Variants in PRDM11 observed in about 807,000 individuals in gnomAD.
The protein encoded by PRDM11 is PR domain-containing protein 11.
PRDM11 carries 20 observed loss-of-function variants against 97.8 expected under a neutral mutation model. The ratio of observed to expected loss-of-function variants is 0.20; its 90% CI spans 0.14 to 0.30. PRDM11 has a LOEUF of 0.30. Among genes scored for constraint, PRDM11 ranks in the 10% least tolerant of loss-of-function variants. The probability of loss-of-function intolerance (pLI) is 1.00; values close to 1 mark genes in which losing one functional copy is unlikely to be tolerated. For missense variants in PRDM11, 1,139 were observed against 1,555.2 expected (o/e 0.73, Z 4.50); for synonymous variants, 599 against 637.7 (o/e 0.94, Z 0.91).
In PRDM11 at chr11:45,220,357, C is replaced by T. The variant is rs544961204; in HGVS notation, c.742+600C>T. Among the ~76,000 whole-genome samples the T allele has an allele frequency of 2.0e-5, 3 of 152,344 alleles. No individual in the cohort carries two copies. In the South Asian group the frequency reaches 6.2e-4, roughly 32 times the overall value. On this transcript the variant is annotated intron_variant, in intron 6 of 7. Coordinates refer to ENST00000683152, the MANE Select transcript of PRDM11 (RefSeq NM_001384648.1). Reference sequence around the variant, plus strand: ...CCCATGTAATTATCATAGCAGCCATCCCTACCCTGTCAGTGCACCCTGAGA... The same window carrying T: ...CCCATGTAATTATCATAGCAGCCATTCCTACCCTGTCAGTGCACCCTGAGA...
chr11:45,100,914 G>T (rs1265640431), intron 1 of PRDM11, among the ~76,000 whole-genome samples: 1 of 152,222 alleles, frequency 6.6e-6, no homozygotes, highest in South Asian at 2.1e-4. Flanking sequence ...TTTGCCCAGG[G>T]TCATGCAGAC....
intron 1 of PRDM11, among the ~76,000 whole-genome samples, chr11:45,101,567 A>AAAAGAAGAAGAAGAAGAAGAAGAAG (rs767802218): frequency 1.0e-5 from 1 of 96,834 alleles, no homozygotes; most frequent in African/African-American, 4.9e-5. Context: ...AAAAAAAAAA[A>AAAAGAAGAAGAAGAAGAAGAAGAAG]AAGAAGAAGA....
At position 45,226,138 on chromosome 11, in the gene PRDM11, C is replaced by T. The variant is rs1249424766; in HGVS notation, c.1513C>T (p.Arg505Trp). The T allele has an allele frequency of 1.3e-6, 2 of 1,533,226 alleles. No individual in the cohort carries two copies. Among genetic ancestry groups the T allele is most frequent in the Non-Finnish European group, 1.7e-6 (2 of 1,146,082 alleles). The allele number at this position is 1,533,226 out of a possible 1,614,324, so 95.0% of individuals were successfully genotyped here. The change falls in exon 8 of 8, where the codon CGG (arginine) becomes TGG (tryptophan). Residue 505 changes from arginine to tryptophan, a missense_variant. Coordinates refer to ENST00000683152, the MANE Select transcript of PRDM11 (RefSeq NM_001384648.1). ...KMSSATGRRI[R>W]RFKQEWLKKF... is the part of the protein sequence containing the mutation. Reference sequence around the variant, plus strand: ...GTCATCGGCCACCGGGCGCCGAATCCGGCGCTTTAAGCAGGAATGGCTGAA... The same window carrying T: ...GTCATCGGCCACCGGGCGCCGAATCTGGCGCTTTAAGCAGGAATGGCTGAA...
intron 1 of PRDM11, 43 bp from the exon 2 acceptor site, chr11:45,181,718 C>T: frequency 6.4e-7 from 1 of 1,558,984 alleles, no homozygotes; most frequent in South Asian, 1.1e-5. Context: ...TCCCCTGTTT[C>T]TTTGATCCTC....
chr11:45,155,435 A>G (rs1851769687), intron 1 of PRDM11, among the ~76,000 whole-genome samples: 1 of 152,170 alleles, frequency 6.6e-6, no homozygotes, highest in South Asian at 2.1e-4. Context: ...CCCAAGGTAC[A>G]GAGAGGGCGG....
intron 6 of PRDM11, among the ~76,000 whole-genome samples, chr11:45,221,942 C>G (rs914991282): frequency 2.0e-5 from 3 of 152,090 alleles, no homozygotes; most frequent in African/African-American, 7.2e-5. Flanking sequence ...TCCCCTATGC[C>G]CAATCACTCT....
intron 4 of PRDM11, among the ~76,000 whole-genome samples, chr11:45,201,905 G>A (rs367830657): frequency 5.3e-5 from 8 of 152,066 alleles, no homozygotes; most frequent in East Asian, 1.9e-4. Context: ...CCTGGGAGGC[G>A]GAGCTTGCAG....
chr11:45,167,709 A>G (rs1053928438), intron 1 of PRDM11, among the ~76,000 whole-genome samples: 4 of 151,172 alleles, frequency 2.6e-5, no homozygotes, highest in African/African-American at 9.7e-5. Flanking sequence ...CTCAGCAAGG[A>G]TGTTTAGGGA....
intron 1 of PRDM11, among the ~76,000 whole-genome samples, chr11:45,151,863 G>T (rs900535120): frequency 6.6e-6 from 1 of 152,116 alleles, no homozygotes. Context: ...TAGTTCATTC[G>T]GGTAGAGAGT....
At chr11:45,159,590 G>T (rs1442664938) in intron 1 of PRDM11, among the ~76,000 whole-genome samples, 2 of 152,146 alleles carry the variant, frequency 1.3e-5, no homozygotes, top group Non-Finnish European at 2.9e-5. Context: ...GACTCTCCTC[G>T]TGACCACATA....
intron 1 of PRDM11, among the ~76,000 whole-genome samples, chr11:45,177,771 A>T (rs1852364077): frequency 6.6e-6 from 1 of 152,156 alleles, no homozygotes; most frequent in African/African-American, 2.4e-5. Flanking sequence ...GTTTCCCTTT[A>T]TGCTTTGGCT....
intron 1 of PRDM11, among the ~76,000 whole-genome samples, chr11:45,176,763 A>G (rs1590407333): frequency 6.6e-6 from 1 of 152,276 alleles, no homozygotes; most frequent in African/African-American, 2.4e-5. Context: ...TATGTTCTCT[A>G]TAGGCATGCT....
intron 1 of PRDM11, among the ~76,000 whole-genome samples, chr11:45,150,244 C>T (rs1178190285): frequency 6.6e-6 from 1 of 152,116 alleles, no homozygotes; most frequent in East Asian, 1.9e-4. Flanking sequence ...TTCAGGGAAG[C>T]CCTCCCTGAT....
intron 6 of PRDM11, among the ~76,000 whole-genome samples, chr11:45,223,554 G>A (rs529554066): frequency 1.6e-4 from 24 of 152,238 alleles, no homozygotes; most frequent in East Asian, 7.7e-4. Context: ...AGCCCTCAGC[G>A]CCATAGGTCT....
chr11:45,182,029 T>A, intron 2 of PRDM11, 144 bp downstream of exon 2: 2 of 831,460 alleles, frequency 2.4e-6, no homozygotes, highest in Non-Finnish European at 3.7e-6. Context: ...GCGCAGGCTC[T>A]AGAAAAATCC....
At chr11:45,207,337 A>C (rs1220212734) in intron 5 of PRDM11, among the ~76,000 whole-genome samples, 2 of 152,192 alleles carry the variant, frequency 1.3e-5, no homozygotes, top group Non-Finnish European at 2.9e-5. Flanking sequence ...CAGGAGGCGA[A>C]TGGGCACTGT....
At chr11:45,220,500 C>T (rs1854090659) in intron 6 of PRDM11, among the ~76,000 whole-genome samples, 1 of 152,214 alleles carries the variant, frequency 6.6e-6, no homozygotes, top group Non-Finnish European at 1.5e-5. Context: ...ACCCATCTTA[C>T]AGATGTGCAA....
chr11:45,182,871 C>A lies in PRDM11; in HGVS notation c.234C>A (p.Ser78=), dbSNP rs777572920. 1.9e-6 allele frequency: 3 copies of A among 1,589,938 alleles called. No individual in the cohort carries two copies. In the South Asian group the frequency reaches 3.4e-5, roughly 18 times the overall value. ...FQQVDFWFCE[S]CQEYFVDECP... is the part of the protein sequence containing the mutation. ...TTTCCATCCCTCCAGTCTGTGAGTCCTGCCAGGAGTACTTCGTGGATGAAT... is the reference window on the plus strand; with the variant it reads ...TTTCCATCCCTCCAGTCTGTGAGTCATGCCAGGAGTACTTCGTGGATGAAT... Residue 78 remains serine, a synonymous_variant, in exon 4 of 8, where the codon TCC becomes TCA. Transcript: ENST00000683152.
intron 1 of PRDM11, among the ~76,000 whole-genome samples, chr11:45,151,995 C>T (rs892873042): frequency 1.3e-5 from 2 of 152,190 alleles, no homozygotes; most frequent in Non-Finnish European, 2.9e-5. Context: ...ACTCTTACCC[C>T]AGTTATCTCC....
Sources: allele counts gnomAD v4.1 joint callset (sites outside exome capture counted in the v4.1 genomes callset), GRCh38; gene constraint gnomAD v4.1.1; transcripts MANE v1.5; gene names NCBI Gene and HGNC (gene_info 2026-07-23, HGNC 2026-07-21).